The following ITGA8 variants were observed in gnomAD, a reference collection of about 807,000 sequenced individuals.
ITGA8 encodes integrin alpha-8.
In ITGA8, 91 loss-of-function variants were observed where a neutral mutation model predicts 142.3. That is an observed-to-expected ratio of 0.64 (90% CI 0.54 to 0.76). The LOEUF (loss-of-function observed/expected upper bound fraction) is 0.76, where lower values mean the gene tolerates loss of function less well. Ranked by LOEUF, ITGA8 falls within the 30% of genes least tolerant of loss-of-function variation. The pLI, the probability that ITGA8 is intolerant of heterozygous loss-of-function variation, is 0.00. For missense variants in ITGA8, 1,406 were observed against 1,327.7 expected, an observed-to-expected ratio of 1.06 and a Z score of -0.92; for synonymous variants, 505 against 485.2, an observed-to-expected ratio of 1.04 and a Z score of -0.54.
chr10:15,684,455 C>T (rs1168197943), intron 3 of ITGA8, among the ~76,000 whole-genome samples: 1 of 152,100 alleles, frequency 6.6e-6, no homozygotes, highest in Non-Finnish European at 1.5e-5. Flanking sequence ...TAGCCGCAAC[C>T]TCCTGGGCTC....
chr10:15,612,363 G>A (rs908075332), intron 15 of ITGA8, among the ~76,000 whole-genome samples: 5 of 152,178 alleles, frequency 3.3e-5, no homozygotes, highest in African/African-American at 1.2e-4. Context: ...TCTGGGTCAA[G>A]AGTGGTTAGT....
At chr10:15,558,768 T>C (rs1468200270) in intron 25 of ITGA8, among the ~76,000 whole-genome samples, 4 of 152,256 alleles carry the variant, frequency 2.6e-5, no homozygotes, top group Non-Finnish European at 4.4e-5. Flanking sequence ...ACATGTTCAC[T>C]GTGCTGCAGT....
intron 8 of ITGA8, among the ~76,000 whole-genome samples, chr10:15,670,422 G>C (rs1359037586): frequency 6.6e-6 from 1 of 152,212 alleles, no homozygotes; most frequent in East Asian, 1.9e-4. Context: ...GGAATAGAGA[G>C]TGTGAAGTCA....
rs1345785675 is a variant in ITGA8 at position 15,529,276 on chromosome 10, C to G, written c.2982+1774G>C. Among the ~76,000 whole-genome samples the G allele has an allele frequency of 2.0e-5, 3 of 152,174 alleles. No individual in the cohort carries two copies. In the East Asian group the frequency reaches 5.8e-4, roughly 29 times the overall value. Reference sequence around the variant, plus strand: ...AGAGAAGGGGAGACATTTTGAGAGGCTACTCTCATTTATTGAGATTTGACA... The same window carrying G: ...AGAGAAGGGGAGACATTTTGAGAGGGTACTCTCATTTATTGAGATTTGACA... On this transcript the variant is annotated intron_variant, in intron 28 of 29. Transcript: ENST00000378076.
At position 15,613,812 on chromosome 10, in the gene ITGA8, T is replaced by C. The variant is rs1364902042; in HGVS notation, c.1446-45A>G. 6 of 1,381,934 alleles carry C rather than the reference T, an allele frequency of 4.3e-6. No individual in the cohort carries two copies. The African/African-American group carries it at 7.1e-5, about 16-fold the overall frequency. 85.6% of individuals were successfully genotyped at this position (1,381,934 alleles called of 1,614,324 possible). A position where few individuals can be genotyped will look rare whatever the true frequency, so the allele number is the denominator to read the frequency against. ...GGTTTGTTTAAATAAAACACAAGGG[T>C]GATAGGCAGGCAGAAGCCCACTTCA... is the stretch of plus-strand genomic sequence containing the variant. On this transcript the variant is annotated intron_variant, in intron 14 of 29. Transcript: ENST00000378076.
chr10:15,611,819 A>C (rs12413989), intron 15 of ITGA8, among the ~76,000 whole-genome samples: 31,456 of 151,250 alleles, frequency 0.21, 3,492 homozygotes, highest in Admixed American at 0.31. Flanking sequence ...AAAAAAAAAA[A>C]ACCACACACT....
At chr10:15,564,973 G>A (rs1044327211) in intron 25 of ITGA8, among the ~76,000 whole-genome samples, 1 of 152,104 alleles carries the variant, frequency 6.6e-6, no homozygotes, top group Non-Finnish European at 1.5e-5. Context: ...CTCCTGAAAA[G>A]TTCATGCAAA....
chr10:15,660,111 A>G (rs1834257370), intron 9 of ITGA8, among the ~76,000 whole-genome samples: 1 of 152,220 alleles, frequency 6.6e-6, no homozygotes, highest in South Asian at 2.1e-4. Flanking sequence ...TTTTATTTCT[A>G]TTGTATGAGG....
In ITGA8 at chr10:15,678,788, A is replaced by C; in HGVS notation, c.569-5T>G. ...GGCCTTCCGGATCAGCATTGCCTAG[A>C]ACGATCAAAATACATAAATGTTATA... On this transcript the variant is annotated splice_region_variant and splice_polypyrimidine_tract_variant and intron_variant, in intron 4 of 29. Transcript: ENST00000378076. 1 of 1,581,954 alleles carries C rather than the reference A, an allele frequency of 6.3e-7. No individual in the cohort carries two copies. The highest frequency in any genetic ancestry group is 8.7e-7 in the Non-Finnish European group (1 of 1,152,948).
intron 25 of ITGA8, among the ~76,000 whole-genome samples, chr10:15,559,855 G>A (rs1395202075): frequency 6.6e-6 from 1 of 151,304 alleles, no homozygotes; most frequent in East Asian, 1.9e-4. Context: ...AGAACATGAG[G>A]AAAAATAGCT....
At chr10:15,595,370 T>C (rs1051698312) in intron 21 of ITGA8, among the ~76,000 whole-genome samples, 1 of 152,206 alleles carries the variant, frequency 6.6e-6, no homozygotes, top group Non-Finnish European at 1.5e-5. Context: ...TAAATCAAAG[T>C]GTTTTATAAC....
chr10:15,669,520 A>C (rs1834466803), intron 8 of ITGA8, among the ~76,000 whole-genome samples: 2 of 152,176 alleles, frequency 1.3e-5, no homozygotes, highest in African/African-American at 4.8e-5. Context: ...CTCTCAACTC[A>C]TCAAAGTCAT....
At chr10:15,576,424 A>T (rs1379281206) in intron 23 of ITGA8, among the ~76,000 whole-genome samples, 1 of 152,206 alleles carries the variant, frequency 6.6e-6, no homozygotes, top group African/African-American at 2.4e-5. Context: ...ATTTTTATAA[A>T]ATCTTAAGAA....
chr10:15,704,927 T>A (rs996298089), intron 2 of ITGA8, among the ~76,000 whole-genome samples: 5 of 152,202 alleles, frequency 3.3e-5, no homozygotes, highest in African/African-American at 7.2e-5. Context: ...ATCTCATGCC[T>A]GCTGCCAAAA....
rs201316424 is a variant in ITGA8, at chr10:15,574,713, A to AT, written c.2478+775dup. On this transcript the variant is annotated intron_variant, in intron 24 of 29. Transcript: ENST00000378076. Reference sequence around the variant, plus strand: ...CGCTTTTATATATATGTATATATATATTTTTTTTTTAGCACAATAATGAAT... The same window carrying AT: ...CGCTTTTATATATATGTATATATATATTTTTTTTTTTAGCACAATAATGAAT... Among the ~76,000 whole-genome samples the AT allele has an allele frequency of 6.6e-4, 82 of 123,876 alleles. No individual in the cohort carries two copies. In the East Asian group the frequency reaches 7.7e-3, roughly 12 times the overall value. The allele number at this position is 123,876 out of a possible 152,430, so 81.3% of individuals were successfully genotyped here.
intron 21 of ITGA8, among the ~76,000 whole-genome samples, chr10:15,592,604 A>G (rs185173464): frequency 6.6e-6 from 1 of 152,194 alleles, no homozygotes; most frequent in Non-Finnish European, 1.5e-5. Context: ...TGATTGGTTG[A>G]TTGATTGATT....
At chr10:15,598,901 A>T (rs772355053) in intron 20 of ITGA8, among the ~76,000 whole-genome samples, 8 of 152,178 alleles carry the variant, frequency 5.3e-5, no homozygotes, top group Non-Finnish European at 1.0e-4. Flanking sequence ...TTTCTTCTCA[A>T]AGTTAGGTTT....
intron 22 of ITGA8, among the ~76,000 whole-genome samples, chr10:15,587,081 C>T (rs993773954): frequency 6.6e-6 from 1 of 152,124 alleles, no homozygotes; most frequent in African/African-American, 2.4e-5. Flanking sequence ...TGCCACCACA[C>T]CCAGCTAATT....
intron 8 of ITGA8, among the ~76,000 whole-genome samples, chr10:15,662,993 C>A (rs1210130917): frequency 6.6e-6 from 1 of 152,138 alleles, no homozygotes; most frequent in Non-Finnish European, 1.5e-5. Flanking sequence ...GATCCTCTCA[C>A]AAGAAAAATT....
Sources: allele counts gnomAD v4.1 joint callset (sites outside exome capture counted in the v4.1 genomes callset), GRCh38; gene constraint gnomAD v4.1.1; transcripts MANE v1.5; gene names NCBI Gene and HGNC (gene_info 2026-07-23, HGNC 2026-07-21).